Variants in RUNX1T1 observed in about 807,000 individuals in gnomAD.
RUNX1T1 encodes the protein RUNX1 partner transcriptional co-repressor 1.
A neutral mutation model predicts 62.8 loss-of-function variants in RUNX1T1; 4 were observed. The observed-to-expected ratio is 0.06, with a 90% CI of 0.03 to 0.15. RUNX1T1 has a LOEUF of 0.15. RUNX1T1 is among the 10% of genes least tolerant of loss of function. The probability of loss-of-function intolerance (pLI) is 1.00; values close to 1 mark genes in which losing one functional copy is unlikely to be tolerated. For missense variants in RUNX1T1, 508 were observed against 754.3 expected (o/e 0.67, Z 3.82); for synonymous variants, 291 against 286.0 (o/e 1.02, Z -0.18).
intron 1 of RUNX1T1, among the ~76,000 whole-genome samples, chr8:92,049,389 C>A (rs1254218183): frequency 1.3e-5 from 2 of 152,130 alleles, no homozygotes; most frequent in East Asian, 1.9e-4. Context: ...CTTCTGTGGC[C>A]TTTTTCTGTG....
At chr8:92,064,357 T>C (rs1013166865), upstream of RUNX1T1, among the ~76,000 whole-genome samples, 1 of 152,232 alleles carries the variant, frequency 6.6e-6, no homozygotes, top group African/African-American at 2.4e-5. Flanking sequence ...ACTAATAGTA[T>C]ACTGCACCCT....
At chr8:92,076,361 A>T (rs2130780360) in intron 1 of RUNX1T1, among the ~76,000 whole-genome samples, 1 of 152,174 alleles carries the variant, frequency 6.6e-6, no homozygotes. Flanking sequence ...CAATCATCTG[A>T]CTCAAAGCTG....
intron 3 of RUNX1T1, 35 bp downstream of exon 4, chr8:92,014,544 C>T (rs775841357): frequency 1.3e-6 from 2 of 1,564,042 alleles, no homozygotes; most frequent in African/African-American, 1.4e-5. Flanking sequence ...CTATCCCTTA[C>T]ACCAAGAAAA....
At position 91,960,530 on chromosome 8, in the gene RUNX1T1, G is replaced by A; in HGVS notation, c.1459-13C>T. ...AATTCCAGCAACTCTAAAGGAGAAG[G>A]CAGAAGAAAGCAAGATCCCAAGTTA... On this transcript the variant is annotated splice_polypyrimidine_tract_variant and intron_variant, in intron 10 of 10. Transcript: ENST00000396218. 1 of 1,612,648 alleles carries A rather than the reference G, an allele frequency of 6.2e-7. No homozygotes were observed. Among genetic ancestry groups the A allele is most frequent in the Non-Finnish European group, 8.5e-7 (1 of 1,179,174 alleles).
At chr8:92,021,629 A>C (rs139501820) in intron 1 of RUNX1T1, among the ~76,000 whole-genome samples, 1 of 152,144 alleles carries the variant, frequency 6.6e-6, no homozygotes, top group African/African-American at 2.4e-5. Flanking sequence ...CAAGCAAGTT[A>C]GTTTTCCCGA....
intron 10 of RUNX1T1, among the ~76,000 whole-genome samples, chr8:91,961,891 A>G (rs1051753026): frequency 9.2e-5 from 14 of 152,210 alleles, no homozygotes; most frequent in African/African-American, 3.4e-4. Context: ...TGCTTGTGTG[A>G]TAAGAAAGAT....
At chr8:92,014,717 A>T (rs746018959) in exon 3 of RUNX1T1, 2 of 1,614,150 alleles carry the variant, frequency 1.2e-6, no homozygotes, top group East Asian at 2.2e-5. Context: ...GCTGTTGATT[A>T]GCCAGAGAGG....
intron 9 of RUNX1T1, 123 bp from the exon 11 acceptor site, chr8:91,970,971 C>T: frequency 1.4e-6 from 1 of 714,110 alleles, no homozygotes; most frequent in Non-Finnish European, 2.1e-6. Context: ...AACCCCTGGG[C>T]TCAAGTTATC....
intron 6 of RUNX1T1, among the ~76,000 whole-genome samples, chr8:91,990,761 G>C (rs899781851): frequency 6.6e-6 from 1 of 151,658 alleles, no homozygotes; most frequent in African/African-American, 2.4e-5. Context: ...GGGCTCAAGC[G>C]ATCCTCCTGC....
intron 8 of RUNX1T1, among the ~76,000 whole-genome samples, chr8:91,977,961 T>C (rs1164996768): frequency 6.6e-6 from 1 of 152,072 alleles, no homozygotes; most frequent in East Asian, 1.9e-4. Context: ...CTAACCTGTA[T>C]ATTTTTAGTA....
intron 2 of RUNX1T1, among the ~76,000 whole-genome samples, chr8:92,072,942 A>G (rs1833901945): frequency 6.6e-6 from 1 of 152,234 alleles, no homozygotes; most frequent in African/African-American, 2.4e-5. Flanking sequence ...TGAAACCCAC[A>G]CAATATGTAA....
chr8:92,015,469 C>T (rs1055588155), intron 2 of RUNX1T1, among the ~76,000 whole-genome samples: 2 of 152,118 alleles, frequency 1.3e-5, no homozygotes, highest in Admixed American at 1.3e-4. Context: ...AAAGGGACAC[C>T]TAAATCCAGC....
chr8:92,042,264 A>G (rs1297876295), intron 1 of RUNX1T1, among the ~76,000 whole-genome samples: 1 of 152,210 alleles, frequency 6.6e-6, no homozygotes, highest in African/African-American at 2.4e-5. Flanking sequence ...TGAGATCACT[A>G]AACTTTAAAT....
chr8:92,072,024 CA>C (rs1247501832), intron 2 of RUNX1T1, among the ~76,000 whole-genome samples: 8 of 151,960 alleles, frequency 5.3e-5, no homozygotes, highest in African/African-American at 1.9e-4. Flanking sequence ...TTTTAAAAAA[CA>C]AAAAAGTACC....
chr8:91,985,553 A>G (rs1321498924), intron 8 of RUNX1T1, among the ~76,000 whole-genome samples: 3 of 152,184 alleles, frequency 2.0e-5, no homozygotes, highest in Non-Finnish European at 4.4e-5. Context: ...CATCTTTATC[A>G]TTAATTTTAA....
intron 1 of RUNX1T1, among the ~76,000 whole-genome samples, chr8:92,093,071 T>C (rs1014195650): frequency 2.0e-5 from 3 of 152,300 alleles, no homozygotes; most frequent in Admixed American, 6.5e-5. Flanking sequence ...CTTTTCTGAA[T>C]TGACACTTTT....
chr8:92,030,872 A>T (rs1826092323), intron 1 of RUNX1T1, among the ~76,000 whole-genome samples: 1 of 152,128 alleles, frequency 6.6e-6, no homozygotes, highest in Non-Finnish European at 1.5e-5. Context: ...TTCACATCTC[A>T]TGCAACAAAT....
upstream of RUNX1T1, chr8:92,102,830 C>A: frequency 6.7e-7 from 1 of 1,498,214 alleles, no homozygotes. This position sits in a 1 kb window ranked among gnomAD's most constrained non-coding sequence, Gnocchi z 4.5. Context: ...GCCCGCCCGC[C>A]GGCCAAGCCC....
chr8:92,020,302 T>C (rs1823832593), intron 1 of RUNX1T1, among the ~76,000 whole-genome samples: 1 of 152,210 alleles, frequency 6.6e-6, no homozygotes, highest in Admixed American at 6.5e-5. Flanking sequence ...TTTTTTGAAA[T>C]ATATATTCTT....
Sources: gnomAD v4.1 joint callset for allele counts (sites outside exome capture counted in the v4.1 genomes callset) on GRCh38, gnomAD v4.1.1 for gene constraint, Gnocchi (gnomAD v3.1) non-coding constraint, MANE v1.5 for transcripts, NCBI Gene and HGNC (gene_info 2026-07-23, HGNC 2026-07-21) for gene names.